Variants in SUPT3H observed in about 807,000 individuals in gnomAD.
SUPT3H encodes transcription initiation protein SPT3 homolog.
Under a neutral mutation model 44.3 loss-of-function variants are expected in SUPT3H, and 44 were observed. That is an observed-to-expected ratio of 0.99 (90% CI 0.78 to 1.28). The LOEUF (loss-of-function observed/expected upper bound fraction) is 1.28. Ranked by LOEUF, SUPT3H falls within the 50% of genes most tolerant of loss-of-function variation. SUPT3H has a pLI of 0.00. For missense variants in SUPT3H, 380 were observed against 387.1 expected (o/e 0.98, Z 0.15); for synonymous variants, 124 against 125.6 (o/e 0.99, Z 0.09).
chr6:45,319,411 T>C (rs1384154917), intron 2 of SUPT3H, among the ~76,000 whole-genome samples: 2 of 152,142 alleles, frequency 1.3e-5, no homozygotes, highest in Non-Finnish European at 2.9e-5. Context: ...GTATATCTAA[T>C]AATTAGAATT....
rs145864433 is a variant in SUPT3H, at chr6:45,352,257, A to G, written c.101+12944T>C. Among the ~76,000 whole-genome samples the G allele has an allele frequency of 9.0e-3, 1,364 of 152,332 alleles. 13 individuals are homozygous for G. Among genetic ancestry groups the G allele is most frequent in the South Asian group, 0.025 (120 of 4,832 alleles). On this transcript the variant is annotated intron_variant, in intron 2 of 10. Coordinates refer to ENST00000371459, the MANE Select transcript of SUPT3H (RefSeq NM_003599.4). ...CCTGACAATTTCAGCCTTAGAAAAT[A>G]CAATAAAAAATATGAACCAAGGAGT...
chr6:45,207,411 A>C (rs1763367697), intron 2 of SUPT3H, among the ~76,000 whole-genome samples: 1 of 152,212 alleles, frequency 6.6e-6, no homozygotes, highest in South Asian at 2.1e-4. Flanking sequence ...GAATGGGAGG[A>C]TAAAAACTGG....
chr6:45,062,350 T>C (rs975729873), intron 3 of SUPT3H, among the ~76,000 whole-genome samples: 2 of 152,176 alleles, frequency 1.3e-5, no homozygotes, highest in Non-Finnish European at 2.9e-5. Flanking sequence ...ATTATAAATA[T>C]CATAAAATTA....
chr6:44,899,405 G>A (rs1764608981), intron 10 of SUPT3H: 1 of 152,152 alleles, frequency 6.6e-6, no homozygotes, highest in South Asian at 2.1e-4. Context: ...AAGTTATAAT[G>A]TGGCCGGTGT....
intron 10 of SUPT3H, among the ~76,000 whole-genome samples, chr6:44,919,527 C>A (rs922255905): frequency 2.0e-5 from 3 of 150,830 alleles, no homozygotes; most frequent in African/African-American, 7.3e-5. Flanking sequence ...ACCAGGATAT[C>A]CCCCTGAAAT....
chr6:45,192,500 T>C (rs1562656593), intron 2 of SUPT3H, among the ~76,000 whole-genome samples: 1 of 152,108 alleles, frequency 6.6e-6, no homozygotes, highest in Admixed American at 6.5e-5. Context: ...TTTTAAAGAG[T>C]ATGTTTATAA....
chr6:45,243,929 TG>T (rs1429587111), intron 2 of SUPT3H, among the ~76,000 whole-genome samples: 1 of 152,212 alleles, frequency 6.6e-6, no homozygotes, highest in African/African-American at 2.4e-5. Flanking sequence ...TCACCCAGGC[TG>T]GAGTGCAGTG....
intron 3 of SUPT3H, among the ~76,000 whole-genome samples, chr6:45,034,455 A>G (rs560447259): frequency 6.6e-6 from 1 of 152,312 alleles, no homozygotes; most frequent in Non-Finnish European, 1.5e-5. Flanking sequence ...AAGTCTTTAG[A>G]ATTATCAAGA....
At chr6:45,372,261 T>C (rs759283148) in intron 1 of SUPT3H, among the ~76,000 whole-genome samples, 2 of 152,206 alleles carry the variant, frequency 1.3e-5, no homozygotes, top group South Asian at 2.1e-4. Flanking sequence ...ACTTCTCTTA[T>C]AGGTTACATA....
intron 10 of SUPT3H, among the ~76,000 whole-genome samples, chr6:44,859,066 T>C (rs760967228): frequency 6.6e-6 from 1 of 152,176 alleles, no homozygotes; most frequent in Non-Finnish European, 1.5e-5. Flanking sequence ...TACTTTAACT[T>C]GATGTAACCT....
chr6:45,119,367 G>T (rs1250231187), intron 2 of SUPT3H, among the ~76,000 whole-genome samples: 1 of 152,122 alleles, frequency 6.6e-6, no homozygotes, highest in Non-Finnish European at 1.5e-5. Context: ...GATGCCAGTT[G>T]TATGTGGGCA....
chr6:44,980,964 G>C (rs1435628735), intron 6 of SUPT3H, among the ~76,000 whole-genome samples: 1 of 152,170 alleles, frequency 6.6e-6, no homozygotes, highest in African/African-American at 2.4e-5. Flanking sequence ...ATACCTTAGA[G>C]TTAGCATAAC....
At chr6:44,999,708 C>G (rs1009239235) in intron 6 of SUPT3H, among the ~76,000 whole-genome samples, 2 of 151,814 alleles carry the variant, frequency 1.3e-5, no homozygotes, top group African/African-American at 4.8e-5. Context: ...ATGGTGTGTT[C>G]TAGTCTCCAC....
At chr6:44,864,790 G>A (rs1775226953) in intron 10 of SUPT3H, among the ~76,000 whole-genome samples, 1 of 152,214 alleles carries the variant, frequency 6.6e-6, no homozygotes. Flanking sequence ...GGCCATGATG[G>A]GAAGGGCTGC....
At chr6:45,018,888 T>C (rs915995224) in intron 4 of SUPT3H, among the ~76,000 whole-genome samples, 5 of 152,062 alleles carry the variant, frequency 3.3e-5, no homozygotes, top group Admixed American at 3.3e-4. Context: ...GATTCCCTCT[T>C]TTTCTATTGA....
intron 6 of SUPT3H, among the ~76,000 whole-genome samples, chr6:45,001,799 A>G (rs1471888760): frequency 6.6e-6 from 1 of 152,100 alleles, no homozygotes; most frequent in Admixed American, 6.6e-5. Flanking sequence ...TAAAAGCAAG[A>G]GATTGCAGTC....
chr6:45,237,903 TCTC>T (rs1769501522), intron 2 of SUPT3H, among the ~76,000 whole-genome samples: 2 of 152,298 alleles, frequency 1.3e-5, no homozygotes, highest in Admixed American at 6.5e-5. Flanking sequence ...AGGATTGCCT[TCTC>T]CTGCTATGAT....
intron 6 of SUPT3H, among the ~76,000 whole-genome samples, chr6:44,970,540 ACTTTTTGTTTTC>A (rs1777419794): frequency 6.6e-6 from 1 of 150,644 alleles, no homozygotes; most frequent in East Asian, 1.9e-4. Context: ...ACTGACTTTG[ACTTTTTGTTTTC>A]CTGATTAAGG....
intron 9 of SUPT3H, among the ~76,000 whole-genome samples, chr6:44,950,823 ATTT>A (rs1774181585): frequency 7.9e-6 from 1 of 126,614 alleles, no homozygotes; most frequent in Non-Finnish European, 1.7e-5. Flanking sequence ...CTCTTGTTTT[ATTT>A]TTTATTATTA....
Sources: gnomAD v4.1 joint callset for allele counts (sites outside exome capture counted in the v4.1 genomes callset) on GRCh38, gnomAD v4.1.1 for gene constraint, MANE v1.5 for transcripts, NCBI Gene and HGNC (gene_info 2026-07-23, HGNC 2026-07-21) for gene names.